Variants in CACNA1H observed in about 807,000 individuals in gnomAD.
The protein encoded by CACNA1H is calcium voltage-gated channel subunit alpha1 H.
CACNA1H carries 149 observed loss-of-function variants against 192.5 expected under a neutral mutation model. That is an observed-to-expected ratio of 0.77 (90% CI 0.68 to 0.89). The LOEUF (loss-of-function observed/expected upper bound fraction) is 0.89. CACNA1H is among the 40% of genes least tolerant of loss of function. The pLI is 0.00. For synonymous variants in CACNA1H, 2,202 were observed against 1,475.2 expected (o/e 1.49, Z -11.29); for missense variants, 4,257 against 3,423.5 (o/e 1.24, Z -6.08).
chr16:1,215,828 C>G (rs1969980375), intron 30 of CACNA1H, among the ~76,000 whole-genome samples: 1 of 152,252 alleles, frequency 6.6e-6, no homozygotes, highest in African/African-American at 2.4e-5. Context: ...GGGCCCCCTC[C>G]CCGGTGCACT....
At chr16:1,196,105 A>G (rs912496000) in intron 5 of CACNA1H, 82 bp downstream of exon 5, 13 of 1,097,268 alleles carry the variant, frequency 1.2e-5, no homozygotes, top group Non-Finnish European at 1.7e-5. Flanking sequence ...AAGGGCCCCC[A>G]GGAGCACAGG....
At chr16:1,212,796 C>T (rs759800463) in intron 26 of CACNA1H, among the ~76,000 whole-genome samples, 3 of 152,246 alleles carry the variant, frequency 2.0e-5, no homozygotes, top group South Asian at 2.1e-4. Context: ...CGCCCACACC[C>T]CTGCAGGCTT....
chr16:1,218,642 A>T lies in CACNA1H; in HGVS notation c.5878A>T (p.Thr1960Ser), dbSNP rs1357006510. 9 of 1,531,144 alleles carry T rather than the reference A, an allele frequency of 5.9e-6. No individual in the cohort carries two copies. The highest frequency in any genetic ancestry group is 2.6e-6 in the Non-Finnish European group (3 of 1,136,712). The allele number at this position is 1,531,144 out of a possible 1,614,324, so 94.8% of individuals were successfully genotyped here. A position where few individuals can be genotyped will look rare whatever the true frequency, so the allele number is the denominator to read the frequency against. Reference sequence around the variant, plus strand: ...GGAGATGGAGACCTATGGGGCCGGCACCCCCTTGGGTATGGTAGCCAGCAG... The same window carrying T: ...GGAGATGGAGACCTATGGGGCCGGCTCCCCCTTGGGTATGGTAGCCAGCAG... ...EVEMETYGAGTPLGSVASVHS... is the reference protein window; with the variant it reads ...EVEMETYGAGSPLGSVASVHS... Residue 1960 changes from threonine to serine, a missense_variant, in exon 33 of 35, where the codon ACC becomes TCC. By Grantham distance (58) the Thr-to-Ser change is moderately conservative. Coordinates refer to ENST00000348261, the MANE Select transcript of CACNA1H (RefSeq NM_021098.3).
rs751998492 is a variant in CACNA1H at position 1,207,389 on chromosome 16, A to G, written c.3022A>G (p.Asn1008Asp). The G allele has an allele frequency of 1.2e-6, 2 of 1,613,120 alleles. No homozygotes were observed. Among genetic ancestry groups the G allele is most frequent in the Non-Finnish European group, 1.7e-6 (2 of 1,179,788 alleles). The change falls in exon 14 of 35, where the codon AAC becomes GAC. Residue 1008 changes from asparagine (N) to aspartate (D), a missense_variant. Asn to Asp is a conservative substitution (Grantham distance 23). Coordinates refer to ENST00000348261, the MANE Select transcript of CACNA1H (RefSeq NM_021098.3). ...LMTFGNYVLF[N>D]LLVAILVEGF... ...GACCTTCGGCAACTATGTGCTCTTC[A>G]ACCTGCTGGTGGCCATCCTCGTGGA...
At chr16:1,185,003 C>G (rs1965841463) in intron 2 of CACNA1H, among the ~76,000 whole-genome samples, 1 of 152,192 alleles carries the variant, frequency 6.6e-6, no homozygotes, top group South Asian at 2.1e-4. Flanking sequence ...GAATGTTTCC[C>G]TCACTCCAGA....
At chr16:1,154,469 G>A (rs931328379) in intron 2 of CACNA1H, among the ~76,000 whole-genome samples, 9 of 152,196 alleles carry the variant, frequency 5.9e-5, no homozygotes, top group Admixed American at 5.9e-4. Flanking sequence ...GGCCAGAGGA[G>A]CTGGAGTCAG....
At position 1,200,248 on chromosome 16, in the gene CACNA1H, A is replaced by T; in HGVS notation, c.804-8A>T. On this transcript the variant is annotated splice_region_variant and splice_polypyrimidine_tract_variant and intron_variant, in intron 6 of 34. Coordinates refer to ENST00000348261, the MANE Select transcript of CACNA1H (RefSeq NM_021098.3). ...GTACCTTTTGGCCCTGGCTGTGCCC[A>T]TCCCCAGGAACAACAACCTGACCTT... is the stretch of plus-strand genomic sequence containing the variant. The T allele has an allele frequency of 6.3e-7, 1 of 1,588,942 alleles. No homozygotes were observed. Among genetic ancestry groups the T allele is most frequent in the Non-Finnish European group, 8.6e-7 (1 of 1,166,724 alleles).
At position 1,200,505 on chromosome 16, in the gene CACNA1H, C is replaced by T. The variant is rs200378845; in HGVS notation, c.1053C>T (p.Asp351=). 568 of 1,612,326 alleles carry T rather than the reference C, an allele frequency of 3.5e-4. No individual in the cohort carries two copies. Among genetic ancestry groups the T allele is most frequent in the Non-Finnish European group, 4.7e-4 (552 of 1,179,734 alleles). The change falls in exon 7 of 35, where the codon GAC becomes GAT. Residue 351 remains aspartate (D), a synonymous_variant. Transcript: ENST00000348261. The part of the protein sequence containing the change: ...NQYYNVCRSG[D]SNPHNGAINF... Reference sequence around the variant, plus strand: ...ACTACAACGTGTGCCGCTCGGGTGACTCCAACCCCCACAACGGTGCCATCA... The same window carrying T: ...ACTACAACGTGTGCCGCTCGGGTGATTCCAACCCCCACAACGGTGCCATCA...
At chr16:1,185,020 C>G (rs1965843520) in intron 2 of CACNA1H, among the ~76,000 whole-genome samples, 1 of 152,214 alleles carries the variant, frequency 6.6e-6, no homozygotes, top group South Asian at 2.1e-4. Flanking sequence ...CAGAAGGAAA[C>G]CGCATCCCCA....
At position 1,207,051 on chromosome 16, in the gene CACNA1H, C is replaced by T. The variant is rs1968815481; in HGVS notation, c.2840C>T (p.Thr947Ile). Reference sequence around the variant, plus strand: ...TGCAAGTTCAGCCTGAAGACAGACACCGGAGACACCGTGCCTGACAGGAAG... The same window carrying T: ...TGCAAGTTCAGCCTGAAGACAGACATCGGAGACACCGTGCCTGACAGGAAG... Reference protein sequence around the residue: ...FGCKFSLKTDTGDTVPDRKNF... With the variant: ...FGCKFSLKTDIGDTVPDRKNF... Residue 947 changes from threonine (T) to isoleucine (I), a missense_variant, in exon 13 of 35, where the codon ACC becomes ATC. By Grantham distance (89) the Thr-to-Ile change is moderately conservative (BLOSUM62 -1). Coordinates refer to ENST00000348261, the MANE Select transcript of CACNA1H (RefSeq NM_021098.3). 1 of 1,602,648 alleles carries T rather than the reference C, an allele frequency of 6.2e-7. No individual in the cohort carries two copies. The highest frequency in any genetic ancestry group is 1.3e-5 in the African/African-American group (1 of 74,734).
intron 2 of CACNA1H, among the ~76,000 whole-genome samples, chr16:1,162,093 C>CT (rs1355423408): frequency 6.6e-6 from 1 of 152,156 alleles, no homozygotes; most frequent in Admixed American, 6.5e-5. Flanking sequence ...GCCTGCTGCC[C>CT]TCCTGGCCTC....
At chr16:1,186,369 A>G (rs937249520) in intron 2 of CACNA1H, among the ~76,000 whole-genome samples, 2 of 152,014 alleles carry the variant, frequency 1.3e-5, no homozygotes, top group African/African-American at 4.8e-5. Flanking sequence ...ACAGGCCCAG[A>G]TTCCTGGACG....
In CACNA1H at chr16:1,218,829, G is replaced by A. The variant is rs11866966; in HGVS notation, c.5888-141G>A. The A allele has an allele frequency of 0.029, 32,195 of 1,120,178 alleles. 963 individuals carry two copies. Among genetic ancestry groups the A allele is most frequent in the African/African-American group, 0.12 (7,979 of 64,404 alleles). The allele number at this position is 1,120,178 out of a possible 1,614,324, so 69.4% of individuals were successfully genotyped here. A position where few individuals can be genotyped will look rare whatever the true frequency, so the allele number is the denominator to read the frequency against. Reference sequence around the variant, plus strand: ...AGGCCAGATTGAGGAGGCTGGGTGTGGGCAGGTGAGAGAGAGGACGGGTCG... The same window carrying A: ...AGGCCAGATTGAGGAGGCTGGGTGTAGGCAGGTGAGAGAGAGGACGGGTCG... On this transcript the variant is annotated intron_variant, in intron 33 of 34. Transcript: ENST00000348261.
chr16:1,172,054 A>G (rs989789087), intron 2 of CACNA1H, among the ~76,000 whole-genome samples: 2 of 152,314 alleles, frequency 1.3e-5, no homozygotes, highest in African/African-American at 4.8e-5. Context: ...GGTCCCCAGC[A>G]GCCTTCACTG....
chr16:1,210,366 C>A lies in CACNA1H; in HGVS notation c.3846-4C>A. The stretch of plus-strand genomic sequence containing the variant: ...CCACCTCTCACCCGCCCCCGCCCAC[C>A]CAGGTTCCGCGTCTCCTGCCAGAAG... On this transcript the variant is annotated splice_polypyrimidine_tract_variant and splice_region_variant and intron_variant, in intron 18 of 34. Transcript: ENST00000348261. 6.5e-7 allele frequency: 1 copy of A among 1,533,596 alleles called. No individual in the cohort carries two copies. Among genetic ancestry groups the A allele is most frequent in the Non-Finnish European group, 8.8e-7 (1 of 1,139,578 alleles). 95.0% of individuals were successfully genotyped at this position (1,533,596 alleles called of 1,614,324 possible). A position where few individuals can be genotyped will look rare whatever the true frequency, so the allele number is the denominator to read the frequency against.
rs2753326 is a variant in CACNA1H, at chr16:1,211,219, A to G, written c.4275A>G (p.Ser1425=). Residue 1425 remains serine (S), a synonymous_variant, in exon 22 of 35, where the codon TCA becomes TCG. Transcript: ENST00000348261. ...GLKLVVETLI[S]SLRPIGNIVL... ...AGCTGGTGGTGGAGACGCTGATATCATCACTCAGGCCCATTGGGAACATCG... is the reference window on the plus strand; with the variant it reads ...AGCTGGTGGTGGAGACGCTGATATCGTCACTCAGGCCCATTGGGAACATCG... 983,847 of 1,612,062 alleles carry G rather than the reference A, an allele frequency of 0.61. 304,869 individuals carry two copies. Among genetic ancestry groups the G allele is most frequent in the East Asian group, 0.9 (40,309 of 44,834 alleles).
In CACNA1H at chr16:1,219,991, A is replaced by G. The variant is rs1266069325; in HGVS notation, c.6059A>G (p.His2020Arg). The change falls in exon 35 of 35, where the codon CAC becomes CGC. Residue 2020 changes from histidine (H) to arginine (R), a missense_variant. Coordinates refer to ENST00000348261, the MANE Select transcript of CACNA1H (RefSeq NM_021098.3). ...SRLLCRQEAV[H>R]TDSLEGKIDS... is the part of the protein sequence containing the mutation. ...TCTACGCCCCCACAGGAGGCTGTGC[A>G]CACCGATTCCTTGGAAGGGAAGATT... The G allele has an allele frequency of 7.5e-7, 1 of 1,334,774 alleles. No homozygotes were observed. The highest frequency in any genetic ancestry group is 3.5e-5 in the Admixed American group (1 of 28,654). 82.7% of individuals were successfully genotyped at this position (1,334,774 alleles called of 1,614,324 possible). A position where few individuals can be genotyped will look rare whatever the true frequency, so the allele number is the denominator to read the frequency against.
chr16:1,181,938 ACACACGCCCCCTCG>A (rs986474293), intron 2 of CACNA1H, among the ~76,000 whole-genome samples: 4 of 151,894 alleles, frequency 2.6e-5, no homozygotes, highest in Non-Finnish European at 4.4e-5. Context: ...TCCCCTTTGC[ACACACGCCCCCTCG>A]CACACGCATG....
chr16:1,218,849 G>A (rs538449856), intron 33 of CACNA1H, 121 bp from the exon 34 acceptor site: 12 of 1,201,508 alleles, frequency 1.0e-5, no homozygotes, highest in South Asian at 5.8e-5. Context: ...GAGAGAGGAC[G>A]GGTCGGGCTG....
Sources: gnomAD v4.1 joint callset for allele counts (sites outside exome capture counted in the v4.1 genomes callset) on GRCh38, gnomAD v4.1.1 for gene constraint, MANE v1.5 for transcripts, NCBI Gene and HGNC (gene_info 2026-07-23, HGNC 2026-07-21) for gene names.